Variants in CACNA2D2 observed in about 807,000 individuals in gnomAD.
The protein encoded by CACNA2D2 is voltage-dependent calcium channel subunit alpha-2/delta-2.
A neutral mutation model predicts 166.4 loss-of-function variants in CACNA2D2; 48 were observed. That is an observed-to-expected ratio of 0.29 (90% CI 0.23 to 0.37). The LOEUF (loss-of-function observed/expected upper bound fraction) is 0.37, where lower values mean the gene tolerates loss of function less well. Ranked by LOEUF, CACNA2D2 falls within the 10% of genes least tolerant of loss-of-function variation. The pLI, the probability that CACNA2D2 is intolerant of heterozygous loss-of-function variation, is 1.00. For missense variants in CACNA2D2, 1,122 were observed against 1,433.0 expected (o/e 0.78, Z 3.50); for synonymous variants, 561 against 573.7 (o/e 0.98, Z 0.32).
At chr3:50,467,108 G>A (rs532404661) in intron 2 of CACNA2D2, among the ~76,000 whole-genome samples, 1 of 152,120 alleles carries the variant, frequency 6.6e-6, no homozygotes, top group Non-Finnish European at 1.5e-5. Flanking sequence ...AAGGCTCCTT[G>A]CTACCCTAGC....
intron 1 of CACNA2D2, among the ~76,000 whole-genome samples, chr3:50,486,546 G>C (rs991128565): frequency 2.0e-5 from 3 of 152,082 alleles, no homozygotes; most frequent in Non-Finnish European, 4.4e-5. Flanking sequence ...AAGCTCACAG[G>C]CCCCCCGAGG....
chr3:50,369,283 C>T lies in CACNA2D2; in HGVS notation c.2045+1037G>A, dbSNP rs76885784. Among the ~76,000 whole-genome samples the T allele has an allele frequency of 3.1e-3, 472 of 152,358 alleles. 4 individuals carry two copies. The highest frequency in any genetic ancestry group is 0.011 in the African/African-American group (448 of 41,578). ...AGGTACTTCATTCACTCACCCTCCA[C>T]GTATTTATTGAGCTCTTCTGAGCCA... On this transcript the variant is annotated intron_variant, in intron 23 of 37. Coordinates refer to ENST00000424201, the MANE Select transcript of CACNA2D2 (RefSeq NM_006030.4).
At chr3:50,417,717 C>T (rs1389730660) in intron 3 of CACNA2D2, among the ~76,000 whole-genome samples, 1 of 152,180 alleles carries the variant, frequency 6.6e-6, no homozygotes, top group Admixed American at 6.5e-5. Context: ...GGCACCAGCA[C>T]CCTCTCCTTG....
intron 1 of CACNA2D2, among the ~76,000 whole-genome samples, chr3:50,495,577 G>A (rs1444327065): frequency 6.6e-6 from 1 of 152,168 alleles, no homozygotes; most frequent in African/African-American, 2.4e-5. Context: ...GAGAACATGT[G>A]GAGGAATCAT....
intron 2 of CACNA2D2, 96 bp from the exon 3 acceptor site, chr3:50,434,525 G>A: frequency 1.2e-6 from 1 of 857,350 alleles, no homozygotes; most frequent in Non-Finnish European, 2.0e-6. Flanking sequence ...CCTCAGCACA[G>A]TATTCACCCG....
At chr3:50,484,756 C>G (rs946197495) in intron 1 of CACNA2D2, among the ~76,000 whole-genome samples, 2 of 152,254 alleles carry the variant, frequency 1.3e-5, no homozygotes, top group Non-Finnish European at 2.9e-5. Flanking sequence ...TTGTTAGCCT[C>G]TGCCTTGGGC....
Position 50,366,210 on chromosome 3 carries a change from C to T in CACNA2D2, c.2710-47G>A, listed in dbSNP as rs772815506. ...CATGGTCACAGGGCTGGCAGTGCTA[C>T]ACCCCTAGAAGGCTCAAATCCCTAC... On this transcript the variant is annotated intron_variant, in intron 31 of 37. Coordinates refer to ENST00000424201, the MANE Select transcript of CACNA2D2 (RefSeq NM_006030.4). This position sits in a 1 kb window ranked among gnomAD's most constrained non-coding sequence, Gnocchi z 5.9. 1 of 1,614,010 alleles carries T rather than the reference C, an allele frequency of 6.2e-7. No individual in the cohort carries two copies. Among genetic ancestry groups the T allele is most frequent in the Non-Finnish European group, 8.5e-7 (1 of 1,179,924 alleles).
At chr3:50,458,771 T>C (rs1005924982) in intron 2 of CACNA2D2, among the ~76,000 whole-genome samples, 6 of 152,220 alleles carry the variant, frequency 3.9e-5, no homozygotes, top group Non-Finnish European at 5.9e-5. Context: ...GTGATTGACT[T>C]ACCAGGCCCT....
intron 3 of CACNA2D2, among the ~76,000 whole-genome samples, chr3:50,421,127 C>G (rs927823864): frequency 6.6e-6 from 1 of 152,216 alleles, no homozygotes; most frequent in Non-Finnish European, 1.5e-5. Flanking sequence ...GGGAGGGGGC[C>G]AGAGCTCACC....
chr3:50,419,490 C>T (rs1707444212), intron 3 of CACNA2D2, among the ~76,000 whole-genome samples: 1 of 152,168 alleles, frequency 6.6e-6, no homozygotes, highest in Non-Finnish European at 1.5e-5. Flanking sequence ...GCCCATGACA[C>T]CAAACCTGGG....
At chr3:50,456,173 A>G (rs1216561526) in intron 2 of CACNA2D2, among the ~76,000 whole-genome samples, 1 of 152,236 alleles carries the variant, frequency 6.6e-6, no homozygotes, top group Non-Finnish European at 1.5e-5. Flanking sequence ...GCCTGAGGCT[A>G]GCAATGGTAG....
Position 50,365,019 on chromosome 3 carries a change from A to C in CACNA2D2, c.3209-49T>G, listed in dbSNP as rs760673288. The C allele has an allele frequency of 1.9e-5, 25 of 1,314,480 alleles. No homozygotes were observed. The South Asian group carries it at 2.7e-4, about 14-fold the overall frequency. 81.4% of individuals were successfully genotyped at this position (1,314,480 alleles called of 1,614,324 possible). A position where few individuals can be genotyped will look rare whatever the true frequency, so the allele number is the denominator to read the frequency against. ...GAGGCGGACGGCGGCGGCGGCACGG[A>C]GGGGGCGCGCGGGGCAGAGGGGGAG... On this transcript the variant is annotated intron_variant, in intron 36 of 37. Coordinates refer to ENST00000424201, the MANE Select transcript of CACNA2D2 (RefSeq NM_006030.4). The surrounding 1 kb of genome is among the most constrained non-coding windows in gnomAD (Gnocchi z 4.5).
Position 50,366,277 on chromosome 3 carries a change from T to C in CACNA2D2, c.2699A>G (p.Gln900Arg). The C allele has an allele frequency of 6.2e-7, 1 of 1,614,126 alleles. No individual in the cohort carries two copies. Among genetic ancestry groups the C allele is most frequent in the African/African-American group, 1.3e-5 (1 of 75,042 alleles). ...CTTCCTGATCCTCACCTGGTCCCAC[T>C]GATGGTTCTGGTTTGACAGCACCAG... is the stretch of plus-strand genomic sequence containing the variant. ...GFLVLSNQNH[Q>R]WDQVGRFFSE... Residue 900 changes from glutamine (Q) to arginine (R), a missense_variant, in exon 31 of 38, where the codon CAG becomes CGG. Gln to Arg is a conservative substitution (Grantham distance 43). Around this residue, in one of 2 missense-constraint regions of CACNA2D2, gnomAD observed 840 missense variants for 1,166.8 expected, o/e 0.72. Transcript: ENST00000424201. The surrounding 1 kb of genome is among the most constrained non-coding windows in gnomAD (Gnocchi z 5.9).
intron 22 of CACNA2D2, among the ~76,000 whole-genome samples, chr3:50,370,995 G>A (rs1024647562): frequency 7.2e-5 from 11 of 152,094 alleles, no homozygotes; most frequent in African/African-American, 1.9e-4. Flanking sequence ...CCAGAGACGG[G>A]TCGGGGCAGC....
At chr3:50,459,732 C>A (rs554006575) in intron 2 of CACNA2D2, among the ~76,000 whole-genome samples, 7 of 152,322 alleles carry the variant, frequency 4.6e-5, no homozygotes, top group Admixed American at 1.3e-4. Flanking sequence ...GTGAGTGAGT[C>A]CAGGGGAGAA....
intron 1 of CACNA2D2, among the ~76,000 whole-genome samples, chr3:50,502,057 T>C (rs1179906499): frequency 6.6e-6 from 1 of 152,184 alleles, no homozygotes. Context: ...TTCCCTCATC[T>C]TAGAGAGCCT....
intron 3 of CACNA2D2, among the ~76,000 whole-genome samples, chr3:50,396,294 C>T (rs766480018): frequency 2.0e-5 from 3 of 152,154 alleles, no homozygotes; most frequent in Non-Finnish European, 4.4e-5. Context: ...AGGCTCTGTC[C>T]TGCCCGGAAC....
chr3:50,484,995 T>C (rs909248411), intron 1 of CACNA2D2, among the ~76,000 whole-genome samples: 3 of 152,212 alleles, frequency 2.0e-5, no homozygotes, highest in Admixed American at 2.0e-4. Context: ...TCCCCTGGCT[T>C]CTTTCCATAT....
chr3:50,473,632 G>A (rs1426569359), intron 2 of CACNA2D2, among the ~76,000 whole-genome samples: 1 of 152,234 alleles, frequency 6.6e-6, no homozygotes, highest in Non-Finnish European at 1.5e-5. Context: ...GGTATGGGCT[G>A]GGTACATGGA....
Sources: gnomAD v4.1 joint callset for allele counts (sites outside exome capture counted in the v4.1 genomes callset) on GRCh38, gnomAD v4.1.1 for gene constraint, gnomAD v4.1.1 regional missense constraint, Gnocchi (gnomAD v3.1) non-coding constraint, MANE v1.5 for transcripts, NCBI Gene and HGNC (gene_info 2026-07-23, HGNC 2026-07-21) for gene names.